The following EIF4A1 variants were observed in gnomAD, a reference collection of about 807,000 sequenced individuals.
EIF4A1 encodes eukaryotic translation initiation factor 4A1, also known as eukaryotic initiation factor 4A-I.
EIF4A1 carries 11 observed loss-of-function variants against 53.5 expected under a neutral mutation model. The observed-to-expected ratio is 0.21, with a 90% CI of 0.13 to 0.34. EIF4A1 has a LOEUF of 0.34. EIF4A1 is among the 10% of genes least tolerant of loss of function. EIF4A1 has a pLI of 1.00. For synonymous variants in EIF4A1, 237 were observed against 186.7 expected (o/e 1.27, Z -2.20); for missense variants, 213 against 530.8 (o/e 0.40, Z 5.88).
intron 1 of EIF4A1, chr17:7,573,146 G>C: frequency 1.7e-6 from 1 of 582,584 alleles, no homozygotes; most frequent in Non-Finnish European, 3.0e-6. Flanking sequence ...GCTGAGTGGC[G>C]AGACGGGGTC....
rs534238126 is a variant in EIF4A1, at chr17:7,578,293, CCTGGGCTTAAAG to C, written c.1077-46_1077-35del. Reference sequence around the variant, plus strand: ...CCCTACCCCTTCACACCTGGCCCTCCCTGGGCTTAAAGCTCCTGATATTCCTCATCCCCTTCC... The same window carrying C: ...CCCTACCCCTTCACACCTGGCCCTCCCTCCTGATATTCCTCATCCCCTTCC... On this transcript the variant is annotated intron_variant, in intron 10 of 10. Coordinates refer to ENST00000293831, the MANE Select transcript of EIF4A1 (RefSeq NM_001416.4). The C allele has an allele frequency of 9.9e-4, 1,594 of 1,613,884 alleles. 3 individuals carry two copies. Among genetic ancestry groups the C allele is most frequent in the Non-Finnish European group, 1.2e-3 (1,454 of 1,179,862 alleles).
intron 9 of EIF4A1, 42 bp from the exon 10 acceptor site, chr17:7,578,123 G>A (rs755703438): frequency 1.2e-6 from 2 of 1,613,478 alleles, no homozygotes; most frequent in Admixed American, 1.7e-5. Flanking sequence ...GGGATAGAGT[G>A]TCCTCCGTGC....
chr17:7,577,987 A>G lies in EIF4A1; in HGVS notation c.996+71A>G. The G allele has an allele frequency of 1.3e-6, 2 of 1,597,400 alleles. No individual in the cohort carries two copies. Among genetic ancestry groups the G allele is most frequent in the Non-Finnish European group, 1.7e-6 (2 of 1,164,968 alleles). On this transcript the variant is annotated intron_variant, in intron 9 of 10. Transcript: ENST00000293831. The surrounding 1 kb of genome is among the most constrained non-coding windows in gnomAD (Gnocchi z 4.7). ...GTGATTCCCTCTCCAAGGGGACATC[A>G]GTGCCTCTCAGGAAAGTAGCAGCTT... is the stretch of plus-strand genomic sequence containing the variant.
chr17:7,574,188 C>A, intron 1 of EIF4A1, 72 bp from the exon 2 acceptor site: 1 of 1,592,006 alleles, frequency 6.3e-7, no homozygotes, highest in Non-Finnish European at 8.6e-7. Flanking sequence ...CCACTCCTGA[C>A]AGAGCCCGGC....
Position 7,577,196 on chromosome 17 carries a change from AT to A in EIF4A1, c.624+33del. ...GGCAGTCTTGCTTGAATAGCTAATG[AT>A]TCTTGAAAAATAGTAAGTGCCAGGG... On this transcript the variant is annotated intron_variant, in intron 6 of 10. Transcript: ENST00000293831. The surrounding 1 kb of genome is among the most constrained non-coding windows in gnomAD (Gnocchi z 4.7). 1 of 1,570,414 alleles carries A rather than the reference AT, an allele frequency of 6.4e-7. No homozygotes were observed. The highest frequency in any genetic ancestry group is 8.6e-7 in the Non-Finnish European group (1 of 1,162,296).
rs749819752 is a variant in EIF4A1 at position 7,576,509 on chromosome 17, C to T, written c.346-15C>T. ...GTGGTAACTGACATATGAGCACCTGCCTCTCTCTGCTCAGATACAGAAGGT... is the reference window on the plus strand; with the variant it reads ...GTGGTAACTGACATATGAGCACCTGTCTCTCTCTGCTCAGATACAGAAGGT... On this transcript the variant is annotated splice_polypyrimidine_tract_variant and intron_variant, in intron 4 of 10. Transcript: ENST00000293831. The T allele has an allele frequency of 3.2e-6, 5 of 1,548,052 alleles. No individual in the cohort carries two copies. Among genetic ancestry groups the T allele is most frequent in the Admixed American group, 2.1e-5 (1 of 48,482 alleles).
Position 7,577,588 on chromosome 17 carries a change from T to G in EIF4A1, c.788T>G (p.Leu263Arg). 6.2e-7 allele frequency: 1 copy of G among 1,613,660 alleles called. No individual in the cohort carries two copies. The change falls in exon 8 of 11, where the codon CTA becomes CGA. Residue 263 changes from leucine to arginine, a missense_variant. Around this residue, in one of 4 missense-constraint regions of EIF4A1, gnomAD observed 119 missense variants for 351.0 expected, o/e 0.34. Coordinates refer to ENST00000293831, the MANE Select transcript of EIF4A1 (RefSeq NM_001416.4). This position sits in a 1 kb window ranked among gnomAD's most constrained non-coding sequence, Gnocchi z 4.7. ...CTCCAGGAGTGGAAGCTGGACACAC[T>G]ATGTGACTTGTATGAAACCCTGACC... Reference protein sequence around the residue: ...VEREEWKLDTLCDLYETLTIT... With the variant: ...VEREEWKLDTRCDLYETLTIT...
In EIF4A1 at chr17:7,575,467, G is replaced by A; in HGVS notation, c.345+209G>A. On this transcript the variant is annotated intron_variant, in intron 4 of 10. Coordinates refer to ENST00000293831, the MANE Select transcript of EIF4A1 (RefSeq NM_001416.4). ...CCCATTTCCTGAGTCAAATGGGAAA[G>A]CTGTTGGGTGAAGCCTGGCTGGCTG... The A allele has an allele frequency of 3.7e-6, 3 of 804,642 alleles. No homozygotes were observed. In the South Asian group the frequency reaches 4.5e-5, roughly 12 times the overall value. 49.8% of individuals were successfully genotyped at this position (804,642 alleles called of 1,614,324 possible).
At chr17:7,574,189 AG>A in intron 1 of EIF4A1, 70 bp from the exon 2 acceptor site, 1 of 1,592,922 alleles carries the variant, frequency 6.3e-7, no homozygotes, top group Non-Finnish European at 8.6e-7. Flanking sequence ...CACTCCTGAC[AG>A]AGCCCGGCTG....
intron 1 of EIF4A1, chr17:7,573,364 C>T (rs746321166): frequency 1.5e-4 from 29 of 193,638 alleles, no homozygotes; most frequent in Non-Finnish European, 2.2e-4. Flanking sequence ...GGAGAAGAAA[C>T]CGGCCGTTCA....
Position 7,577,284 on chromosome 17 carries a change from G to C in EIF4A1, c.625-60G>C. 14 of 1,599,050 alleles carry C rather than the reference G, an allele frequency of 8.8e-6. 1 individual carries two copies. The highest frequency in any genetic ancestry group is 3.4e-5 in the South Asian group (3 of 89,058). On this transcript the variant is annotated intron_variant, in intron 6 of 10. Coordinates refer to ENST00000293831, the MANE Select transcript of EIF4A1 (RefSeq NM_001416.4). The surrounding 1 kb of genome is among the most constrained non-coding windows in gnomAD (Gnocchi z 4.7). Reference sequence around the variant, plus strand: ...CTGCTTCAGTTTTAGGTGTGGCTAGGGAAGGGAGCAGGCCTCAGGAAGGAA... The same window carrying C: ...CTGCTTCAGTTTTAGGTGTGGCTAGCGAAGGGAGCAGGCCTCAGGAAGGAA...
chr17:7,575,468 C>T, intron 4 of EIF4A1: 1 of 803,718 alleles, frequency 1.2e-6, no homozygotes, highest in Non-Finnish European at 2.0e-6. Context: ...AATGGGAAAG[C>T]TGTTGGGTGA....
chr17:7,575,058 G>A (rs1191165147), intron 3 of EIF4A1, 61 bp from the exon 4 acceptor site: 17 of 1,598,874 alleles, frequency 1.1e-5, no homozygotes, highest in African/African-American at 4.0e-5. Context: ...ATTAACCTAG[G>A]ACTTGAATAT....
intron 1 of EIF4A1, chr17:7,573,219 G>A (rs1012350739): frequency 1.3e-4 from 58 of 441,786 alleles, no homozygotes; most frequent in Non-Finnish European, 1.9e-4. Flanking sequence ...AGAGCCGGCA[G>A]GTCCGGTTGC....
Position 7,578,442 on chromosome 17 carries a change from A to G in EIF4A1, c.1177A>G (p.Thr393Ala), listed in dbSNP as rs2071432820. Residue 393 changes from threonine to alanine, a missense_variant, in exon 11 of 11, where the codon ACC (threonine) becomes GCC (alanine). By Grantham distance (58) the Thr-to-Ala change is moderately conservative. This residue lies in a region of EIF4A1 where 28 missense variants were observed against 42.5 expected (regional missense o/e 0.66). Coordinates refer to ENST00000293831, the MANE Select transcript of EIF4A1 (RefSeq NM_001416.4). Reference sequence around the variant, plus strand: ...TCGAGACATTGAGACCTTCTACAACACCTCCATTGAGGAAATGCCCCTCAA... The same window carrying G: ...TCGAGACATTGAGACCTTCTACAACGCCTCCATTGAGGAAATGCCCCTCAA... ...TLRDIETFYN[T>A]SIEEMPLNVA... 6.2e-7 allele frequency: 1 copy of G among 1,612,446 alleles called. No homozygotes were observed. Among genetic ancestry groups the G allele is most frequent in the Non-Finnish European group, 8.5e-7 (1 of 1,179,174 alleles).
chr17:7,576,926 A>G (rs2071409901), intron 5 of EIF4A1, 130 bp from the exon 6 acceptor site: 2 of 1,359,152 alleles, frequency 1.5e-6, no homozygotes, highest in African/African-American at 1.4e-5. Context: ...GTCCTGGGCA[A>G]AGGATCAGTC....
In EIF4A1 at chr17:7,577,176, T is replaced by C; in HGVS notation, c.624+11T>C. ...AACAGCAACACCCAGGTGAGGGCAG[T>C]CTTGCTTGAATAGCTAATGATTCTT... On this transcript the variant is annotated intron_variant, in intron 6 of 10. Transcript: ENST00000293831. The surrounding 1 kb of genome is among the most constrained non-coding windows in gnomAD (Gnocchi z 4.7). 6.3e-7 allele frequency: 1 copy of C among 1,589,234 alleles called. No homozygotes were observed. Among genetic ancestry groups the C allele is most frequent in the Middle Eastern group, 1.7e-4 (1 of 5,926 alleles).
chr17:7,577,976 A>C lies in EIF4A1; in HGVS notation c.996+60A>C. ...GAGGATCCAAGGTGATTCCCTCTCC[A>C]AGGGGACATCAGTGCCTCTCAGGAA... is the stretch of plus-strand genomic sequence containing the variant. On this transcript the variant is annotated intron_variant, in intron 9 of 10. Coordinates refer to ENST00000293831, the MANE Select transcript of EIF4A1 (RefSeq NM_001416.4). The surrounding 1 kb of genome is among the most constrained non-coding windows in gnomAD (Gnocchi z 4.7). The C allele has an allele frequency of 6.2e-7, 1 of 1,605,850 alleles. No homozygotes were observed. Among genetic ancestry groups the C allele is most frequent in the Non-Finnish European group, 8.5e-7 (1 of 1,172,530 alleles).
In EIF4A1 at chr17:7,577,179, T is replaced by A; in HGVS notation, c.624+14T>A. 1 of 1,583,960 alleles carries A rather than the reference T, an allele frequency of 6.3e-7. No individual in the cohort carries two copies. The highest frequency in any genetic ancestry group is 8.6e-7 in the Non-Finnish European group (1 of 1,168,286). ...AGCAACACCCAGGTGAGGGCAGTCTTGCTTGAATAGCTAATGATTCTTGAA... is the reference window on the plus strand; with the variant it reads ...AGCAACACCCAGGTGAGGGCAGTCTAGCTTGAATAGCTAATGATTCTTGAA... On this transcript the variant is annotated intron_variant, in intron 6 of 10. Coordinates refer to ENST00000293831, the MANE Select transcript of EIF4A1 (RefSeq NM_001416.4). The surrounding 1 kb of genome is among the most constrained non-coding windows in gnomAD (Gnocchi z 4.7).
Sources: gnomAD v4.1 joint callset for allele counts on GRCh38, gnomAD v4.1.1 for gene constraint, gnomAD v4.1.1 regional missense constraint, Gnocchi (gnomAD v3.1) non-coding constraint, MANE v1.5 for transcripts, NCBI Gene and HGNC (gene_info 2026-07-23, HGNC 2026-07-21) for gene names.